Variants in LAMC1 observed in about 807,000 individuals in gnomAD.
The protein encoded by LAMC1 is laminin subunit gamma-1.
A neutral mutation model predicts 173.6 loss-of-function variants in LAMC1; 38 were observed. That is an observed-to-expected ratio of 0.22 (90% CI 0.17 to 0.29). The LOEUF is 0.29. Ranked by LOEUF, LAMC1 falls within the 10% of genes least tolerant of loss-of-function variation. LAMC1 has a pLI of 1.00. For missense variants in LAMC1, 1,824 were observed against 2,051.8 expected (o/e 0.89, Z 2.14); for synonymous variants, 746 against 749.1 (o/e 1.00, Z 0.07).
intron 1 of LAMC1, among the ~76,000 whole-genome samples, chr1:183,095,613 A>G (rs1475677361): frequency 6.6e-6 from 1 of 152,200 alleles, no homozygotes; most frequent in African/African-American, 2.4e-5. Context: ...ATCTTTGTTC[A>G]GCAGAGCGAG....
At chr1:183,136,178 A>G (rs982432623) in intron 24 of LAMC1, among the ~76,000 whole-genome samples, 3 of 152,196 alleles carry the variant, frequency 2.0e-5, no homozygotes, top group African/African-American at 7.2e-5. Context: ...TAAGAATTCT[A>G]TTTCCAGAAA....
chr1:183,064,391 A>G (rs1036458399), intron 1 of LAMC1, among the ~76,000 whole-genome samples: 7 of 152,298 alleles, frequency 4.6e-5, no homozygotes, highest in African/African-American at 1.7e-4. Context: ...TGAATACTGG[A>G]GGCCATTGTA....
chr1:183,121,693 C>G (rs1656478808), intron 11 of LAMC1, 30 bp from the exon 12 acceptor site: 1 of 1,574,290 alleles, frequency 6.4e-7, no homozygotes, highest in Admixed American at 1.7e-5. Context: ...CAAGCCAGTT[C>G]AGTGATTTTC....
intron 27 of LAMC1, among the ~76,000 whole-genome samples, chr1:183,141,702 A>G (rs192577759): frequency 6.6e-6 from 1 of 152,350 alleles, no homozygotes; most frequent in East Asian, 1.9e-4. Context: ...GTGCCAACAG[A>G]TGGATATAAA....
At chr1:183,093,757 C>CA (rs1275978543) in intron 1 of LAMC1, among the ~76,000 whole-genome samples, 4 of 152,198 alleles carry the variant, frequency 2.6e-5, no homozygotes, top group Admixed American at 1.3e-4. Flanking sequence ...TCCATCCCCC[C>CA]ATGGCTGCTT....
At chr1:183,080,621 G>A (rs974534258) in intron 1 of LAMC1, among the ~76,000 whole-genome samples, 1 of 152,132 alleles carries the variant, frequency 6.6e-6, no homozygotes, top group African/African-American at 2.4e-5. Context: ...CAGACCTGCT[G>A]GGGATCAGAG....
chr1:183,136,201 A>G (rs542950306), intron 24 of LAMC1, among the ~76,000 whole-genome samples, 185 bp from the exon 25 acceptor site: 5 of 152,216 alleles, frequency 3.3e-5, no homozygotes, highest in South Asian at 2.1e-4. Flanking sequence ...GAACATTTCT[A>G]TAACACTAAC....
intron 1 of LAMC1, among the ~76,000 whole-genome samples, chr1:183,083,677 C>G (rs1655346988): frequency 6.6e-6 from 1 of 152,130 alleles, no homozygotes; most frequent in Non-Finnish European, 1.5e-5. Flanking sequence ...GTGAAATAAT[C>G]AGATGTATAT....
At chr1:183,085,447 C>T (rs1383613848) in intron 1 of LAMC1, among the ~76,000 whole-genome samples, 1 of 152,064 alleles carries the variant, frequency 6.6e-6, no homozygotes, top group African/African-American at 2.4e-5. Flanking sequence ...ACTGCAGCCT[C>T]GACCTCCCAG....
intron 1 of LAMC1, among the ~76,000 whole-genome samples, chr1:183,044,878 G>A (rs1429729488): frequency 3.3e-5 from 5 of 149,870 alleles, no homozygotes; most frequent in Admixed American, 6.6e-5. Flanking sequence ...ACTTTTAAAC[G>A]TTTCTGTTAT....
At chr1:183,082,478 A>G (rs1655303447) in intron 1 of LAMC1, among the ~76,000 whole-genome samples, 1 of 152,184 alleles carries the variant, frequency 6.6e-6, no homozygotes, top group African/African-American at 2.4e-5. Flanking sequence ...ACCATGAAGC[A>G]CGGTAAAGCA....
At position 183,090,274 on chromosome 1, in the gene LAMC1, T is replaced by C. The variant is rs536322349; in HGVS notation, c.419-13054T>C. Among the ~76,000 whole-genome samples, 3 of 152,296 alleles carry C rather than the reference T, an allele frequency of 2.0e-5. No individual in the cohort carries two copies. The East Asian group carries it at 5.8e-4, about 29-fold the overall frequency. On this transcript the variant is annotated intron_variant, in intron 1 of 27. Transcript: ENST00000258341. ...GCAGATGCATCTAGGATTGCAAGAT[T>C]ATTTACATGTAGTCCAGGGGGATTA...
In LAMC1 at chr1:183,108,300, A is replaced by C; in HGVS notation, c.748A>C (p.Arg250=). 6.2e-7 allele frequency: 1 copy of C among 1,613,584 alleles called. No homozygotes were observed. The highest frequency in any genetic ancestry group is 8.5e-7 in the Non-Finnish European group (1 of 1,179,638). Residue 250 remains arginine (R), a synonymous_variant, in exon 3 of 28, where the codon AGA becomes CGA. Transcript: ENST00000258341. ...LQEWVTATDI[R]VTLNRLNTFG... is the part of the protein sequence containing the mutation. ...GGAATGGGTAACTGCCACTGACATC[A>C]GAGTAACTCTTAATCGCCTGAACAC... is the stretch of plus-strand genomic sequence containing the variant.
chr1:183,033,333 G>A (rs1653894237), intron 1 of LAMC1, among the ~76,000 whole-genome samples: 1 of 152,192 alleles, frequency 6.6e-6, no homozygotes, highest in Admixed American at 6.5e-5. Flanking sequence ...TCAGGCAGTG[G>A]AGCATGGGAA....
Position 183,109,692 on chromosome 1 carries a change from T to C in LAMC1, c.855-796T>C, listed in dbSNP as rs577641156. Among the ~76,000 whole-genome samples, 86 of 152,328 alleles carry C rather than the reference T, an allele frequency of 5.6e-4. 2 individuals are homozygous for C. In the South Asian group the frequency reaches 0.017, roughly 30 times the overall value. On this transcript the variant is annotated intron_variant, in intron 3 of 27. Coordinates refer to ENST00000258341, the MANE Select transcript of LAMC1 (RefSeq NM_002293.4). Reference sequence around the variant, plus strand: ...TATCAATGATTCTGAAGTATTTTAGTGTATCAGTGAATGGTAGTTGAAGCT... The same window carrying C: ...TATCAATGATTCTGAAGTATTTTAGCGTATCAGTGAATGGTAGTTGAAGCT...
chr1:183,113,879 C>G (rs1473431852), intron 4 of LAMC1, among the ~76,000 whole-genome samples: 1 of 152,198 alleles, frequency 6.6e-6, no homozygotes, highest in African/African-American at 2.4e-5. Flanking sequence ...GCTAAAGATT[C>G]AGGAGAATTA....
chr1:183,128,754 C>CG lies in LAMC1; in HGVS notation c.3280+5dup. The CG allele has an allele frequency of 6.2e-7, 1 of 1,611,392 alleles. No individual in the cohort carries two copies. Among genetic ancestry groups the CG allele is most frequent in the Non-Finnish European group, 8.5e-7 (1 of 1,178,270 alleles). ...CGTGAGGCCCAGGATGTCAAAGGTA[C>CG]GCATGATTGAACAGTGCATGACTTC... On this transcript the variant is annotated splice_donor_region_variant and intron_variant, in intron 18 of 27. Coordinates refer to ENST00000258341, the MANE Select transcript of LAMC1 (RefSeq NM_002293.4).
rs568522160 is a variant in LAMC1 at position 183,138,197 on chromosome 1, G to C, written c.4473+370G>C. On this transcript the variant is annotated intron_variant, in intron 26 of 27. Coordinates refer to ENST00000258341, the MANE Select transcript of LAMC1 (RefSeq NM_002293.4). Reference sequence around the variant, plus strand: ...TATTCTTGTTCTCCCAGCACCTTTAGAGACAAAGACAAGTTTCTTGTATAT... The same window carrying C: ...TATTCTTGTTCTCCCAGCACCTTTACAGACAAAGACAAGTTTCTTGTATAT... 3.1e-6 allele frequency: 3 copies of C among 972,960 alleles called. No homozygotes were observed. The African/African-American group carries it at 5.3e-5, about 17-fold the overall frequency. The allele number at this position is 972,960 out of a possible 1,614,324, so 60.3% of individuals were successfully genotyped here.
At chr1:183,132,694 A>G (rs1656830005) in intron 21 of LAMC1, among the ~76,000 whole-genome samples, 157 bp downstream of exon 21, 1 of 152,214 alleles carries the variant, frequency 6.6e-6, no homozygotes, top group South Asian at 2.1e-4. Flanking sequence ...GTAAGTAGAG[A>G]AGGGCATGTG....
Sources: allele counts gnomAD v4.1 joint callset (sites outside exome capture counted in the v4.1 genomes callset), GRCh38; gene constraint gnomAD v4.1.1; transcripts MANE v1.5; gene names NCBI Gene and HGNC (gene_info 2026-07-23, HGNC 2026-07-21).